PLEKHA7: variants seen among roughly 807,000 people sequenced by gnomAD.
PLEKHA7 encodes the protein pleckstrin homology domain-containing family A member 7.
A neutral mutation model predicts 170.0 loss-of-function variants in PLEKHA7; 104 were observed. The observed-to-expected ratio is 0.61, with a 90% CI of 0.52 to 0.72. PLEKHA7 has a LOEUF of 0.72. Ranked by LOEUF, PLEKHA7 falls within the 30% of genes least tolerant of loss-of-function variation. The pLI is 0.00. For synonymous variants in PLEKHA7, 648 were observed against 660.8 expected, an observed-to-expected ratio of 0.98 and a Z score of 0.30; for missense variants, 1,615 against 1,671.7, an observed-to-expected ratio of 0.97 and a Z score of 0.59.
At chr11:16,805,789 C>CAAAAAAAAAAAAAAAAAAAA (rs11339921) in intron 13 of PLEKHA7, among the ~76,000 whole-genome samples, 1 of 111,222 alleles carries the variant, frequency 9.0e-6, no homozygotes. Context: ...GACTCCATGT[C>CAAAAAAAAAAAAAAAAAAAA]AAAAAAAAAA....
At position 16,921,569 on chromosome 11, in the gene PLEKHA7, G is replaced by A. The variant is rs1283389549; in HGVS notation, c.222-50387C>T. On this transcript the variant is annotated intron_variant, in intron 3 of 26. Coordinates refer to ENST00000531066, the MANE Select transcript of PLEKHA7 (RefSeq NM_001329630.2). ...ACTTTAGTTTATTCCTACTTTGGGA[G>A]ATAGGTCTTCAGATGCATGACTTCC... Among the ~76,000 whole-genome samples, 6 of 152,350 alleles carry A rather than the reference G, an allele frequency of 3.9e-5. No homozygotes were observed. The East Asian group carries it at 1.2e-3, about 29-fold the overall frequency.
At chr11:16,921,121 AT>A (rs1357619989) in intron 3 of PLEKHA7, among the ~76,000 whole-genome samples, 1 of 151,852 alleles carries the variant, frequency 6.6e-6, no homozygotes, top group African/African-American at 2.4e-5. Flanking sequence ...TTCCTTTTAC[AT>A]TTTTTTTCTA....
intron 3 of PLEKHA7, among the ~76,000 whole-genome samples, chr11:16,926,666 T>C (rs572332191): frequency 2.0e-5 from 3 of 152,194 alleles, no homozygotes; most frequent in East Asian, 1.9e-4. Flanking sequence ...ACCCAGTGAG[T>C]GGGAAAGTTC....
At chr11:16,782,269 G>A (rs1849089764) in intron 26 of PLEKHA7, among the ~76,000 whole-genome samples, 1 of 152,152 alleles carries the variant, frequency 6.6e-6, no homozygotes, top group Non-Finnish European at 1.5e-5. Flanking sequence ...ACAGTACACT[G>A]TGATGAGGTG....
At chr11:16,971,637 T>A (rs1474263013) in intron 3 of PLEKHA7, among the ~76,000 whole-genome samples, 1 of 152,242 alleles carries the variant, frequency 6.6e-6, no homozygotes, top group African/African-American at 2.4e-5. Context: ...TTGTTAAATG[T>A]TTCTCTGGAA....
intron 3 of PLEKHA7, among the ~76,000 whole-genome samples, chr11:16,877,290 G>A (rs997555270): frequency 3.3e-5 from 5 of 152,208 alleles, no homozygotes; most frequent in East Asian, 1.9e-4. Flanking sequence ...GAAAACCAAG[G>A]ATTCTGGATA....
chr11:16,875,088 C>G (rs1245450958), intron 3 of PLEKHA7, among the ~76,000 whole-genome samples: 2 of 152,208 alleles, frequency 1.3e-5, no homozygotes, highest in African/African-American at 4.8e-5. Context: ...TTTGATCAGA[C>G]CTAGAGACAG....
At chr11:16,947,806 C>T (rs1861131451) in intron 3 of PLEKHA7, among the ~76,000 whole-genome samples, 1 of 150,268 alleles carries the variant, frequency 6.7e-6, no homozygotes, top group South Asian at 2.1e-4. Context: ...TTCCCAGCTA[C>T]TTGGGAGGCT....
intron 3 of PLEKHA7, among the ~76,000 whole-genome samples, chr11:16,943,431 A>G (rs891623089): frequency 1.3e-5 from 2 of 152,144 alleles, no homozygotes; most frequent in Non-Finnish European, 2.9e-5. Flanking sequence ...ACACCTGCAC[A>G]GTCTCTCCCT....
chr11:16,844,540 G>A (rs1310118160), intron 8 of PLEKHA7, among the ~76,000 whole-genome samples: 1 of 152,212 alleles, frequency 6.6e-6, no homozygotes, highest in African/African-American at 2.4e-5. Context: ...TCCTGCCCTA[G>A]TCTCAACTCA....
chr11:16,804,639 T>C (rs554631984), intron 13 of PLEKHA7, among the ~76,000 whole-genome samples: 1 of 152,220 alleles, frequency 6.6e-6, no homozygotes, highest in Non-Finnish European at 1.5e-5. Context: ...CATTGTTTTA[T>C]CTTGGTAAAG....
chr11:16,795,370 G>C (rs190499830), intron 17 of PLEKHA7: 4 of 262,268 alleles, frequency 1.5e-5, no homozygotes, highest in Non-Finnish European at 2.2e-5. Context: ...TGCTGGGGGC[G>C]GGGGAGAGGG....
intron 23 of PLEKHA7, chr11:16,787,880 TTA>T (rs1849507617): frequency 1.3e-5 from 2 of 152,366 alleles, no homozygotes; most frequent in South Asian, 4.1e-4. Context: ...GTCCTGGGCC[TTA>T]CCCCTTTGGT....
chr11:16,985,967 G>A (rs1434572890), intron 3 of PLEKHA7, among the ~76,000 whole-genome samples: 1 of 152,238 alleles, frequency 6.6e-6, no homozygotes, highest in African/African-American at 2.4e-5. Flanking sequence ...AACCCTTGAT[G>A]GCGGGTGGCC....
chr11:16,974,626 G>GTT (rs397965149), intron 3 of PLEKHA7: 7,706 of 148,626 alleles, frequency 0.052, 513 homozygotes, highest in Non-Finnish European at 0.055. Context: ...GATTTCACAG[G>GTT]TTTTTTTTTT....
chr11:16,795,051 T>C, intron 17 of PLEKHA7, 33 bp from the exon 18 acceptor site: 1 of 1,459,720 alleles, frequency 6.9e-7, no homozygotes, highest in Non-Finnish European at 9.6e-7. Flanking sequence ...TTTGCCTTCT[T>C]AGCTCCTTAC....
At chr11:16,852,226 A>T in intron 7 of PLEKHA7, 57 bp downstream of exon 7, 9 of 1,496,834 alleles carry the variant, frequency 6.0e-6, no homozygotes, top group Non-Finnish European at 8.4e-6. Flanking sequence ...GTCACCAACC[A>T]TCCACATATG....
At chr11:16,790,444 T>A (rs1292797238) in intron 21 of PLEKHA7, 1 of 220,178 alleles carries the variant, frequency 4.5e-6, no homozygotes, top group African/African-American at 2.3e-5. Context: ...TGGCAAGTTA[T>A]TTAATTTCTC....
At chr11:16,802,264 G>A (rs538451487) in intron 15 of PLEKHA7, among the ~76,000 whole-genome samples, 19 of 152,308 alleles carry the variant, frequency 1.2e-4, no homozygotes, top group African/African-American at 4.6e-4. Context: ...GGCCCATTCC[G>A]GCACTCCCAT....
Sources: allele counts gnomAD v4.1 joint callset (sites outside exome capture counted in the v4.1 genomes callset), GRCh38; gene constraint gnomAD v4.1.1; transcripts MANE v1.5; gene names NCBI Gene and HGNC (gene_info 2026-07-23, HGNC 2026-07-21).